RAB11FIP3: variants seen among roughly 807,000 people sequenced by gnomAD.
The protein encoded by RAB11FIP3 is rab11 family-interacting protein 3.
Under a neutral mutation model 77.8 loss-of-function variants are expected in RAB11FIP3, and 17 were observed. That is an observed-to-expected ratio of 0.22 (90% CI 0.15 to 0.33). The LOEUF (loss-of-function observed/expected upper bound fraction) is 0.33, where lower values mean the gene tolerates loss of function less well. Among genes scored for constraint, RAB11FIP3 ranks in the 10% least tolerant of loss-of-function variants. The pLI is 1.00. For synonymous variants in RAB11FIP3, 437 were observed against 448.2 expected (o/e 0.98, Z 0.31); for missense variants, 1,005 against 1,011.2 (o/e 0.99, Z 0.08).
intron 8 of RAB11FIP3, 188 bp from the exon 9 acceptor site, chr16:510,472 C>T (rs548723967): frequency 4.7e-6 from 3 of 634,864 alleles, no homozygotes; most frequent in African/African-American, 1.8e-5. Context: ...GTGTGGGAGG[C>T]GAGGCCATCT....
intron 6 of RAB11FIP3, among the ~76,000 whole-genome samples, chr16:500,448 C>T (rs1293394365): frequency 3.3e-5 from 5 of 151,912 alleles, no homozygotes; most frequent in Non-Finnish European, 5.9e-5. Context: ...TTTGGGGGGC[C>T]GAGGCGCACA....
intron 9 of RAB11FIP3, among the ~76,000 whole-genome samples, chr16:512,531 C>T (rs1473466285): frequency 1.2e-4 from 17 of 144,826 alleles, no homozygotes; most frequent in African/African-American, 3.1e-4. Context: ...TGAGCCATCG[C>T]GCCCGGCCTT....
At chr16:468,277 AG>A in intron 2 of RAB11FIP3, among the ~76,000 whole-genome samples, 1 of 142,552 alleles carries the variant, frequency 7.0e-6, no homozygotes, top group African/African-American at 2.7e-5. Flanking sequence ...GAAGTCAGGG[AG>A]GAGGTGCAGG....
At chr16:518,814 C>A in intron 9 of RAB11FIP3, 129 bp from the exon 10 acceptor site, 1 of 818,066 alleles carries the variant, frequency 1.2e-6, no homozygotes. Flanking sequence ...TAAGGATTGG[C>A]CCTGGTCGTT....
At chr16:445,775 C>T (rs891786309) in intron 1 of RAB11FIP3, among the ~76,000 whole-genome samples, 1 of 152,154 alleles carries the variant, frequency 6.6e-6, no homozygotes. Flanking sequence ...TCTGTGCTCT[C>T]GGCGGGAGGT....
intron 1 of RAB11FIP3, among the ~76,000 whole-genome samples, chr16:431,534 C>A (rs1277705236): frequency 6.6e-6 from 1 of 152,044 alleles, no homozygotes; most frequent in East Asian, 1.9e-4. Flanking sequence ...CGTGCAACGC[C>A]TGGCTAATTT....
chr16:519,591 T>G (rs117588082), intron 10 of RAB11FIP3, among the ~76,000 whole-genome samples, 163 bp from the exon 11 acceptor site: 1 of 152,134 alleles, frequency 6.6e-6, no homozygotes, highest in African/African-American at 2.4e-5. Flanking sequence ...TGACCTCCAC[T>G]GAGAGGCAGG....
At chr16:497,701 AT>A (rs946998176) in intron 6 of RAB11FIP3, among the ~76,000 whole-genome samples, 11 of 151,636 alleles carry the variant, frequency 7.3e-5, no homozygotes, top group African/African-American at 2.7e-4. Context: ...CTTCCTTCTC[AT>A]TTGTTTTCTC....
chr16:520,352 T>G, intron 12 of RAB11FIP3, 75 bp downstream of exon 12: 2 of 1,576,876 alleles, frequency 1.3e-6, no homozygotes, highest in Non-Finnish European at 1.7e-6. Flanking sequence ...GGGGGGGCCG[T>G]GGAGGGTCAG....
Position 505,193 on chromosome 16 carries a change from G to A in RAB11FIP3, c.1396-331G>A, listed in dbSNP as rs1052425505. On this transcript the variant is annotated intron_variant, in intron 7 of 13. Transcript: ENST00000262305. The surrounding 1 kb of genome is among the most constrained non-coding windows in gnomAD (Gnocchi z 4.0). ...TGGGCTGCCTCTGTGAGCTGCATCTGGCTGAGCAGAGACCCAACTGTGTGT... is the reference window on the plus strand; with the variant it reads ...TGGGCTGCCTCTGTGAGCTGCATCTAGCTGAGCAGAGACCCAACTGTGTGT... Among the ~76,000 whole-genome samples, 1 of 151,838 alleles carries A rather than the reference G, an allele frequency of 6.6e-6. No individual in the cohort carries two copies. Among genetic ancestry groups the A allele is most frequent in the Non-Finnish European group, 1.5e-5 (1 of 67,972 alleles).
chr16:490,612 C>G (rs1460977396), intron 5 of RAB11FIP3, among the ~76,000 whole-genome samples: 1 of 152,218 alleles, frequency 6.6e-6, no homozygotes, highest in Non-Finnish European at 1.5e-5. Flanking sequence ...GCAGGAGCCA[C>G]CATGCCCGGC....
At position 520,545 on chromosome 16, in the gene RAB11FIP3, C is replaced by A; in HGVS notation, c.2103C>A (p.Ser701=). The change falls in exon 13 of 14, where the codon TCC becomes TCA. Residue 701 remains serine (S), a synonymous_variant. Transcript: ENST00000262305. The part of the protein sequence containing the change: ...LSIQGAKSLF[S]TAFSESLAAE... Reference sequence around the variant, plus strand: ...TCCAGGGCGCCAAGAGCCTCTTCTCCACAGCCTTCTCTGAGTCCCTGGCTG... The same window carrying A: ...TCCAGGGCGCCAAGAGCCTCTTCTCAACAGCCTTCTCTGAGTCCCTGGCTG... 6.2e-7 allele frequency: 1 copy of A among 1,613,744 alleles called. No individual in the cohort carries two copies.
At chr16:433,619 C>T (rs949782643) in intron 1 of RAB11FIP3, among the ~76,000 whole-genome samples, 5 of 151,210 alleles carry the variant, frequency 3.3e-5, no homozygotes, top group South Asian at 4.2e-4. Flanking sequence ...AAGGCCAAGG[C>T]GGGCGGATCA....
intron 1 of RAB11FIP3, among the ~76,000 whole-genome samples, chr16:430,060 A>G (rs1759479226): frequency 6.6e-6 from 1 of 152,136 alleles, no homozygotes; most frequent in South Asian, 2.1e-4. Flanking sequence ...AAATCAGCAC[A>G]TGAAAGGAGC....
intron 1 of RAB11FIP3, among the ~76,000 whole-genome samples, chr16:427,035 CCACCCCCCCAGGGTGCCTGATCGA>C: frequency 6.6e-6 from 1 of 152,056 alleles, no homozygotes; most frequent in South Asian, 2.1e-4. Context: ...GGCCTGATCG[CCACCCCCCCAGGGTGCCTGATCGA>C]CGTGCCCCTG....
intron 10 of RAB11FIP3, among the ~76,000 whole-genome samples, chr16:519,272 G>C (rs2032560503): frequency 6.6e-6 from 1 of 152,364 alleles, no homozygotes; most frequent in South Asian, 2.1e-4. Context: ...CCAAGGGGAA[G>C]GCATCAGCCA....
In RAB11FIP3 at chr16:505,092, A is replaced by G. The variant is rs970624767; in HGVS notation, c.1396-432A>G. Among the ~76,000 whole-genome samples the G allele has an allele frequency of 3.0e-4, 45 of 150,176 alleles. No individual in the cohort carries two copies. Among genetic ancestry groups the G allele is most frequent in the Admixed American group, 1.0e-3 (15 of 15,002 alleles). On this transcript the variant is annotated intron_variant, in intron 7 of 13. Transcript: ENST00000262305. The surrounding 1 kb of genome is among the most constrained non-coding windows in gnomAD (Gnocchi z 4.0). ...CTTCTCCTACCTCCGCAGGTGTCTG[A>G]TTCTCATCTTGGTGTGAACTCTCTG... is the stretch of plus-strand genomic sequence containing the variant.
intron 6 of RAB11FIP3, chr16:497,183 G>A (rs993400408): frequency 4.6e-5 from 46 of 1,010,140 alleles, no homozygotes; most frequent in Non-Finnish European, 6.0e-5. Context: ...GCGAGACCCA[G>A]TGAGGAGCCT....
intron 4 of RAB11FIP3, 141 bp from the exon 5 acceptor site, chr16:488,710 A>AGT: frequency 1.8e-6 from 1 of 553,470 alleles, no homozygotes; most frequent in South Asian, 2.8e-5. Flanking sequence ...CATCCAGCCC[A>AGT]CTTTTTTTTT....
Sources: gnomAD v4.1 joint callset for allele counts (sites outside exome capture counted in the v4.1 genomes callset) on GRCh38, gnomAD v4.1.1 for gene constraint, Gnocchi (gnomAD v3.1) non-coding constraint, MANE v1.5 for transcripts, NCBI Gene and HGNC (gene_info 2026-07-23, HGNC 2026-07-21) for gene names.